The following NRDC variants were observed in gnomAD, a reference collection of about 807,000 sequenced individuals.
The protein encoded by NRDC is nardilysin.
NRDC carries 54 observed loss-of-function variants against 147.1 expected under a neutral mutation model. The observed-to-expected ratio is 0.37, with a 90% CI of 0.29 to 0.46. NRDC has a LOEUF of 0.46. Among genes scored for constraint, NRDC ranks in the 20% least tolerant of loss-of-function variants. The pLI is 1.00. For missense variants in NRDC, 1,082 were observed against 1,370.6 expected, an observed-to-expected ratio of 0.79 and a Z score of 3.33; for synonymous variants, 440 against 482.1, an observed-to-expected ratio of 0.91 and a Z score of 1.14.
intron 20 of NRDC, among the ~76,000 whole-genome samples, chr1:51,803,474 CAAAAA>C (rs56122829): frequency 5.4e-5 from 7 of 128,906 alleles, no homozygotes; most frequent in Admixed American, 7.7e-5. Flanking sequence ...GTATCTGTCT[CAAAAA>C]AAAAAAAAAA....
At chr1:51,796,860 A>G (rs1678946174) in intron 22 of NRDC, among the ~76,000 whole-genome samples, 1 of 144,640 alleles carries the variant, frequency 6.9e-6, no homozygotes, top group Non-Finnish European at 1.5e-5. Context: ...TGCTGGGATT[A>G]CAGGCGTGAG....
In NRDC at chr1:51,809,438, T is replaced by C. The variant is rs748960963; in HGVS notation, c.1904-37A>G. 2.8e-5 allele frequency: 36 copies of C among 1,308,484 alleles called. No homozygotes were observed. The African/African-American group carries it at 5.1e-4, about 18-fold the overall frequency. The allele number at this position is 1,308,484 out of a possible 1,614,324, so 81.1% of individuals were successfully genotyped here. On this transcript the variant is annotated intron_variant, in intron 16 of 30. Coordinates refer to ENST00000352171, the MANE Select transcript of NRDC (RefSeq NM_001101662.2). ...AAAAATAAACTGACCCAATAAACAA[T>C]GCAATGTTCAACATTCTCTTAATAA...
intron 29 of NRDC, 150 bp downstream of exon 29, chr1:51,790,383 C>G: frequency 1.5e-6 from 1 of 666,646 alleles, no homozygotes; most frequent in Non-Finnish European, 2.7e-6. Flanking sequence ...AGAGGCCAGT[C>G]TGAAAACTCA....
chr1:51,863,275 G>A lies in NRDC; in HGVS notation c.341+15000C>T, dbSNP rs983194294. ...AAATTAGCTGGGCATGGTGGCGTAC[G>A]TCTGTAGTCCCAACTACTTGGGAGA... On this transcript the variant is annotated intron_variant, in intron 1 of 30. Coordinates refer to ENST00000352171, the MANE Select transcript of NRDC (RefSeq NM_001101662.2). Among the ~76,000 whole-genome samples, 4 of 151,982 alleles carry A rather than the reference G, an allele frequency of 2.6e-5. 1 individual carries two copies. In the South Asian group the frequency reaches 8.3e-4, roughly 32 times the overall value.
chr1:51,815,929 A>C (rs1435623952), intron 11 of NRDC: 1 of 152,834 alleles, frequency 6.5e-6, no homozygotes, highest in Non-Finnish European at 1.5e-5. Flanking sequence ...GTTTTCATTA[A>C]AGTCTAGCCT....
intron 1 of NRDC, among the ~76,000 whole-genome samples, chr1:51,849,916 C>T (rs569089791): frequency 1.3e-4 from 19 of 151,386 alleles, no homozygotes; most frequent in African/African-American, 4.7e-4. Flanking sequence ...TAGTGGCCCA[C>T]GCCTCTAATC....
At chr1:51,863,166 C>G (rs1299675799) in intron 1 of NRDC, among the ~76,000 whole-genome samples, 2 of 152,008 alleles carry the variant, frequency 1.3e-5, no homozygotes, top group African/African-American at 4.8e-5. Flanking sequence ...CTTTGGGAGG[C>G]CAAGGCAGGC....
intron 2 of NRDC, among the ~76,000 whole-genome samples, chr1:51,837,265 C>T (rs1186554043): frequency 2.0e-5 from 3 of 152,132 alleles, no homozygotes; most frequent in Admixed American, 2.0e-4. Context: ...TAAACAGTTA[C>T]CTCTTAAAAA....
intron 5 of NRDC, 74 bp downstream of exon 5, chr1:51,827,722 A>G: frequency 1.8e-6 from 2 of 1,128,904 alleles, no homozygotes; most frequent in Non-Finnish European, 1.3e-6. Context: ...CTAGAGATAA[A>G]GAAGGATAAA....
intron 1 of NRDC, among the ~76,000 whole-genome samples, chr1:51,844,628 T>C (rs575570383): frequency 6.3e-4 from 96 of 151,650 alleles, no homozygotes; most frequent in African/African-American, 2.3e-3. Context: ...CTGTAGTCTG[T>C]CTCAGCTACT....
At position 51,798,344 on chromosome 1, in the gene NRDC, C is replaced by G. The variant is rs1679029784; in HGVS notation, c.2509G>C (p.Asp837His). The change falls in exon 22 of 31, where the codon GAC becomes CAC. Residue 837 changes from aspartate (D) to histidine (H), a missense_variant. Physicochemically the swap from Asp to His is moderately conservative, Grantham distance 81. This residue lies in a region of NRDC where 635 missense variants were observed against 923.8 expected (regional missense o/e 0.69). Transcript: ENST00000352171. ...SMIDKYQALM[D>H]GLSLESLLSF... ...AGCAGAGACTCAAGGGAAAGGCCGTCCATCAAAGCCTGGTACTTGTCAATC... is the reference window on the plus strand; with the variant it reads ...AGCAGAGACTCAAGGGAAAGGCCGTGCATCAAAGCCTGGTACTTGTCAATC... The G allele has an allele frequency of 6.2e-7, 1 of 1,613,876 alleles. No homozygotes were observed. Among genetic ancestry groups the G allele is most frequent in the South Asian group, 1.1e-5 (1 of 91,082 alleles).
chr1:51,827,899 T>C, intron 4 of NRDC, 30 bp from the exon 5 acceptor site: 1 of 1,580,880 alleles, frequency 6.3e-7, no homozygotes, highest in African/African-American at 1.3e-5. Flanking sequence ...GGCATTTCCG[T>C]TTTTGTTCAC....
chr1:51,846,621 C>T (rs552447513), intron 1 of NRDC, among the ~76,000 whole-genome samples: 1 of 152,304 alleles, frequency 6.6e-6, no homozygotes, highest in South Asian at 2.1e-4. Flanking sequence ...TCGCTGGCTT[C>T]AGGAGTGAAG....
intron 10 of NRDC, 86 bp downstream of exon 10, chr1:51,817,980 G>A: frequency 1.0e-6 from 1 of 959,686 alleles, no homozygotes; most frequent in African/African-American, 1.7e-5. Context: ...TATAAATTCA[G>A]AACCCCCAAA....
intron 2 of NRDC, among the ~76,000 whole-genome samples, chr1:51,838,587 A>G (rs2149221520): frequency 6.6e-6 from 1 of 152,346 alleles, no homozygotes; most frequent in Non-Finnish European, 1.5e-5. Flanking sequence ...GGTCTGGCTT[A>G]GAGCTAAAAT....
chr1:51,856,080 A>G (rs1571910597), intron 1 of NRDC, among the ~76,000 whole-genome samples: 1 of 152,326 alleles, frequency 6.6e-6, no homozygotes, highest in East Asian at 1.9e-4. Context: ...CACATTTCTG[A>G]TGAATCTCAA....
intron 8 of NRDC, 80 bp from the exon 9 acceptor site, chr1:51,819,953 G>T (rs1680139550): frequency 9.5e-7 from 1 of 1,055,960 alleles, no homozygotes; most frequent in Non-Finnish European, 1.4e-6. Context: ...CTAACTGAGA[G>T]ATATTTATAA....
At chr1:51,800,714 A>C in intron 20 of NRDC, 31 bp from the exon 21 acceptor site, 5 of 1,607,412 alleles carry the variant, frequency 3.1e-6, no homozygotes, top group Non-Finnish European at 4.2e-6. Context: ...CATTTTAAGA[A>C]GCATGGAAAT....
chr1:51,817,691 G>C (rs1301347485), intron 10 of NRDC, among the ~76,000 whole-genome samples: 2 of 152,184 alleles, frequency 1.3e-5, no homozygotes, highest in African/African-American at 4.8e-5. Context: ...ACAGGTGTGT[G>C]CCACCACGCC....
Sources: allele counts gnomAD v4.1 joint callset (sites outside exome capture counted in the v4.1 genomes callset), GRCh38; gene constraint gnomAD v4.1.1; regional missense constraint gnomAD v4.1.1; transcripts MANE v1.5; gene names NCBI Gene and HGNC (gene_info 2026-07-23, HGNC 2026-07-21).